IRF2: variants seen among roughly 807,000 people sequenced by gnomAD.
IRF2 encodes the protein interferon regulatory factor 2.
Under a neutral mutation model 40.6 loss-of-function variants are expected in IRF2, and 15 were observed. That is an observed-to-expected ratio of 0.37 (90% CI 0.25 to 0.57). The LOEUF (loss-of-function observed/expected upper bound fraction) is 0.57, where lower values mean the gene tolerates loss of function less well. IRF2 is among the 20% of genes least tolerant of loss of function. The pLI, the probability that IRF2 is intolerant of heterozygous loss-of-function variation, is 0.77. For synonymous variants in IRF2, 151 were observed against 165.5 expected (o/e 0.91, Z 0.67); for missense variants, 317 against 455.7 (o/e 0.70, Z 2.77).
In IRF2 at chr4:184,418,229, T is replaced by C. The variant is rs755237505; in HGVS notation, c.365-16A>G. On this transcript the variant is annotated splice_polypyrimidine_tract_variant and intron_variant, in intron 4 of 8. Transcript: ENST00000393593. ...GGTTTCTTTCCTGTGGCAACAAAAA[T>C]GTAGTTTTGGATTAATTCACGAAGG... 2 of 1,608,250 alleles carry C rather than the reference T, an allele frequency of 1.2e-6. No homozygotes were observed. Among genetic ancestry groups the C allele is most frequent in the Admixed American group, 1.7e-5 (1 of 60,024 alleles).
chr4:184,396,074 G>A (rs983850756), intron 7 of IRF2, among the ~76,000 whole-genome samples: 1 of 152,234 alleles, frequency 6.6e-6, no homozygotes, highest in Non-Finnish European at 1.5e-5. Flanking sequence ...GGAGTGTAAC[G>A]ATGCCTGCAG....
chr4:184,460,673 A>T (rs1400694089), intron 1 of IRF2, among the ~76,000 whole-genome samples: 1 of 113,978 alleles, frequency 8.8e-6, no homozygotes, highest in Non-Finnish European at 2.1e-5. Flanking sequence ...GCGCACACAC[A>T]CACACATGCA....
At chr4:184,436,794 G>C (rs911612577) in intron 1 of IRF2, among the ~76,000 whole-genome samples, 1 of 152,176 alleles carries the variant, frequency 6.6e-6, no homozygotes, top group Admixed American at 6.5e-5. Context: ...AAGAGTCACT[G>C]GTGTGTGAGA....
At chr4:184,464,595 C>T (rs1175422044) in intron 1 of IRF2, among the ~76,000 whole-genome samples, 1 of 152,140 alleles carries the variant, frequency 6.6e-6, no homozygotes, top group Non-Finnish European at 1.5e-5. Flanking sequence ...CATTTGTGTA[C>T]ATTAAATGCT....
intron 2 of IRF2, among the ~76,000 whole-genome samples, chr4:184,423,036 C>CT (rs905188321): frequency 1.3e-5 from 2 of 152,094 alleles, no homozygotes; most frequent in Non-Finnish European, 2.9e-5. Context: ...ATCACAGATT[C>CT]TTTTTTTGAA....
At chr4:184,393,054 T>C (rs932930499) in intron 7 of IRF2, among the ~76,000 whole-genome samples, 1 of 151,956 alleles carries the variant, frequency 6.6e-6, no homozygotes, top group African/African-American at 2.4e-5. Context: ...AAAAAGAAAA[T>C]TCCCCTCCTC....
Position 184,445,436 on chromosome 4 carries a change from G to A in IRF2, c.-6-16366C>T, listed in dbSNP as rs558111830. Reference sequence around the variant, plus strand: ...TGGGAGGCCAAGGCAGGCGGATTACGTGAGCTCAAGAGATCAACACCAGCC... The same window carrying A: ...TGGGAGGCCAAGGCAGGCGGATTACATGAGCTCAAGAGATCAACACCAGCC... On this transcript the variant is annotated intron_variant, in intron 1 of 8. Transcript: ENST00000393593. Among the ~76,000 whole-genome samples, 3 of 152,114 alleles carry A rather than the reference G, an allele frequency of 2.0e-5. No individual in the cohort carries two copies. The East Asian group carries it at 5.8e-4, about 29-fold the overall frequency.
In IRF2 at chr4:184,428,049, G is replaced by A. The variant is rs189576919; in HGVS notation, c.87+929C>T. Reference sequence around the variant, plus strand: ...GTTCTAGAAGTTTTTCATTTTTGCCGACATTATCTCTTTCTGATTCACCCC... The same window carrying A: ...GTTCTAGAAGTTTTTCATTTTTGCCAACATTATCTCTTTCTGATTCACCCC... On this transcript the variant is annotated intron_variant, in intron 2 of 8. Transcript: ENST00000393593. 5.9e-5 allele frequency among the ~76,000 whole-genome samples: 9 copies of A among 152,168 alleles called. No individual in the cohort carries two copies. In the East Asian group the frequency reaches 7.7e-4, roughly 13 times the overall value.
intron 1 of IRF2, among the ~76,000 whole-genome samples, chr4:184,463,058 T>C (rs1017086236): frequency 1.3e-5 from 2 of 152,206 alleles, no homozygotes; most frequent in African/African-American, 4.8e-5. Context: ...TTCATAACAG[T>C]TCAAGAGTCT....
At chr4:184,472,262 C>G (rs567207500) in intron 1 of IRF2, 1 of 152,166 alleles carries the variant, frequency 6.6e-6, no homozygotes, top group Non-Finnish European at 1.5e-5. Flanking sequence ...TCAGAGAATC[C>G]TGAATCTGCG....
At chr4:184,430,139 C>T (rs534935539) in intron 1 of IRF2, among the ~76,000 whole-genome samples, 2 of 152,270 alleles carry the variant, frequency 1.3e-5, no homozygotes, top group East Asian at 1.9e-4. Flanking sequence ...GGCATTTGGG[C>T]TGATGTCTCA....
At chr4:184,409,789 G>C (rs948151257) in intron 5 of IRF2, among the ~76,000 whole-genome samples, 3 of 151,986 alleles carry the variant, frequency 2.0e-5, no homozygotes, top group African/African-American at 7.3e-5. Context: ...GGATACTTGG[G>C]AGGCTGCGGT....
At chr4:184,450,659 A>G (rs1221550425) in intron 1 of IRF2, among the ~76,000 whole-genome samples, 1 of 152,356 alleles carries the variant, frequency 6.6e-6, no homozygotes, top group East Asian at 1.9e-4. Flanking sequence ...TAAAATACTT[A>G]TAAAATAAGA....
intron 1 of IRF2, among the ~76,000 whole-genome samples, chr4:184,468,638 C>T (rs1377457610): frequency 6.6e-6 from 1 of 152,162 alleles, no homozygotes; most frequent in Non-Finnish European, 1.5e-5. Flanking sequence ...GAGGTTTCAT[C>T]TGAGCCAAGG....
chr4:184,450,319 C>T (rs1015655155), intron 1 of IRF2, among the ~76,000 whole-genome samples: 1 of 152,162 alleles, frequency 6.6e-6, no homozygotes, highest in African/African-American at 2.4e-5. Flanking sequence ...GGATTTGGGG[C>T]TTGCAGTAGA....
intron 6 of IRF2, 143 bp from the exon 7 acceptor site, chr4:184,399,222 G>A (rs776452465): frequency 2.1e-5 from 17 of 814,666 alleles, no homozygotes; most frequent in African/African-American, 7.0e-5. Context: ...TGAAGAACAC[G>A]CCTGAGCTCT....
At chr4:184,449,202 C>T (rs1579100392) in intron 1 of IRF2, among the ~76,000 whole-genome samples, 2 of 152,332 alleles carry the variant, frequency 1.3e-5, no homozygotes, top group East Asian at 3.9e-4. Flanking sequence ...CACAAACAGA[C>T]TCTCATCATT....
chr4:184,407,129 T>A (rs1157126262), intron 6 of IRF2: 1 of 1,241,932 alleles, frequency 8.1e-7, no homozygotes, highest in Non-Finnish European at 1.1e-6. Flanking sequence ...ACCTGCAAAC[T>A]TTTTACACTG....
intron 6 of IRF2, among the ~76,000 whole-genome samples, chr4:184,405,787 G>A (rs1736832521): frequency 6.6e-6 from 1 of 152,166 alleles, no homozygotes; most frequent in Admixed American, 6.5e-5. Flanking sequence ...GCCAGGGAGA[G>A]AGGGAAGGAG....
Sources: gnomAD v4.1 joint callset for allele counts (sites outside exome capture counted in the v4.1 genomes callset) on GRCh38, gnomAD v4.1.1 for gene constraint, MANE v1.5 for transcripts, NCBI Gene and HGNC (gene_info 2026-07-23, HGNC 2026-07-21) for gene names.